Variants in SAMD12 observed in about 807,000 individuals in gnomAD.
The protein encoded by SAMD12 is sterile alpha motif domain-containing protein 12.
SAMD12 carries 9 observed loss-of-function variants against 15.0 expected under a neutral mutation model. The observed-to-expected ratio is 0.60, with a 90% CI of 0.36 to 1.05. SAMD12 has a LOEUF of 1.05. Among genes scored for constraint, SAMD12 ranks in the 50% least tolerant of loss-of-function variants. The pLI is 0.01. For missense variants in SAMD12, 230 were observed against 234.2 expected (o/e 0.98, Z 0.12); for synonymous variants, 86 against 90.1 (o/e 0.96, Z 0.25).
At chr8:118,552,366 G>T (rs1449113176) in intron 2 of SAMD12, among the ~76,000 whole-genome samples, 4 of 152,154 alleles carry the variant, frequency 2.6e-5, no homozygotes, top group South Asian at 2.1e-4. Context: ...TGCAAGGCTG[G>T]TTCAATATAT....
At chr8:118,554,971 C>T (rs560354384) in intron 2 of SAMD12, among the ~76,000 whole-genome samples, 2 of 152,288 alleles carry the variant, frequency 1.3e-5, no homozygotes, top group South Asian at 4.1e-4. Flanking sequence ...CTCTGTTTCT[C>T]TGGAGAACCC....
At chr8:118,440,048 T>A in intron 2 of SAMD12, 87 bp from the exon 3 acceptor site, 1 of 1,318,046 alleles carries the variant, frequency 7.6e-7, no homozygotes, top group Non-Finnish European at 1.1e-6. Context: ...TGTTAAAGGC[T>A]ACAGACTGGA....
chr8:118,354,220 A>G (rs1818109157), intron 4 of SAMD12, among the ~76,000 whole-genome samples: 1 of 152,270 alleles, frequency 6.6e-6, no homozygotes, highest in Non-Finnish European at 1.5e-5. Flanking sequence ...TATAAAAGGC[A>G]TAAAAAAGTT....
At chr8:118,303,895 A>G (rs1316291434) in intron 4 of SAMD12, among the ~76,000 whole-genome samples, 2 of 152,186 alleles carry the variant, frequency 1.3e-5, no homozygotes, top group African/African-American at 4.8e-5. Context: ...CAAGCAGGCA[A>G]TGACCTTCTG....
chr8:118,543,634 T>TC (rs1003509670), intron 2 of SAMD12, among the ~76,000 whole-genome samples: 2 of 137,198 alleles, frequency 1.5e-5, no homozygotes, highest in Middle Eastern at 3.7e-3. Flanking sequence ...TTTCTTTCTT[T>TC]TTTTTTTTTT....
the SAMD12 span, among the ~76,000 whole-genome samples, chr8:118,170,064 T>A: frequency 1.8e-4 from 27 of 152,282 alleles, no homozygotes; most frequent in Admixed American, 2.6e-4. Context: ...TTAGGCAATA[T>A]CTATAAATTA....
chr8:118,165,173 G>C, the SAMD12 span, among the ~76,000 whole-genome samples: 1 of 152,098 alleles, frequency 6.6e-6, no homozygotes, highest in Non-Finnish European at 1.5e-5. Flanking sequence ...TGTGGCTTGT[G>C]CTTCTGACTG....
chr8:118,521,212 C>T (rs959197291), intron 2 of SAMD12, among the ~76,000 whole-genome samples: 1 of 152,154 alleles, frequency 6.6e-6, no homozygotes, highest in African/African-American at 2.4e-5. Context: ...TCTAAACATC[C>T]ATCATCCAGC....
the SAMD12 span, among the ~76,000 whole-genome samples, chr8:118,165,555 C>A: frequency 7.0e-6 from 1 of 143,020 alleles, no homozygotes; most frequent in Non-Finnish European, 1.5e-5. Flanking sequence ...TATGCCCGGC[C>A]CTCAAAATAT....
intron 4 of SAMD12, among the ~76,000 whole-genome samples, chr8:118,280,121 T>A (rs1212663188): frequency 6.6e-6 from 1 of 152,194 alleles, no homozygotes. Flanking sequence ...CTTTTAAGAT[T>A]TGTTCTACTG....
intron 2 of SAMD12, among the ~76,000 whole-genome samples, chr8:118,440,725 C>T (rs73708495): frequency 0.016 from 2,414 of 149,822 alleles, 65 homozygotes; most frequent in African/African-American, 0.057. Context: ...CATATAAAAA[C>T]GCAGGGAGTG....
At chr8:118,186,367 A>C (rs1245625265), downstream of SAMD12, among the ~76,000 whole-genome samples, 12 of 152,230 alleles carry the variant, frequency 7.9e-5, no homozygotes, top group Admixed American at 7.9e-4. Context: ...CAGGAAAAAT[A>C]TCATTCATTT....
chr8:118,264,150 A>T (rs1813146641), intron 4 of SAMD12, among the ~76,000 whole-genome samples: 1 of 152,116 alleles, frequency 6.6e-6, no homozygotes, highest in Admixed American at 6.6e-5. Context: ...AGATAAGGCA[A>T]ATAGTTCCTG....
chr8:118,347,998 TGTCTCA>T (rs1444644814), intron 4 of SAMD12, among the ~76,000 whole-genome samples: 1 of 152,226 alleles, frequency 6.6e-6, no homozygotes, highest in African/African-American at 2.4e-5. Context: ...AACCTTAGTG[TGTCTCA>T]GTTTCCTTAC....
the SAMD12 span, among the ~76,000 whole-genome samples, chr8:118,166,712 G>A: frequency 6.6e-6 from 1 of 152,218 alleles, no homozygotes; most frequent in Non-Finnish European, 1.5e-5. Context: ...TTGATTTGGT[G>A]TTTAAAAAGT....
At chr8:118,430,986 T>A (rs10101386) in intron 3 of SAMD12, among the ~76,000 whole-genome samples, 5 of 151,898 alleles carry the variant, frequency 3.3e-5, no homozygotes, top group Non-Finnish European at 7.4e-5. Flanking sequence ...TTTTCTGATT[T>A]TAACTGAGTA....
chr8:118,599,585 C>T (rs1416671996), intron 1 of SAMD12, among the ~76,000 whole-genome samples: 1 of 152,164 alleles, frequency 6.6e-6, no homozygotes, highest in African/African-American at 2.4e-5. Context: ...TCCAATCACC[C>T]CACTTTCACA....
At chr8:118,206,312 A>C (rs1819861927) in intron 4 of SAMD12, among the ~76,000 whole-genome samples, 1 of 152,252 alleles carries the variant, frequency 6.6e-6, no homozygotes, top group African/African-American at 2.4e-5. Context: ...CTTCAGACAG[A>C]GAAAAGTGGT....
chr8:118,510,378 G>A (rs568577455), intron 2 of SAMD12, among the ~76,000 whole-genome samples: 97 of 152,214 alleles, frequency 6.4e-4, no homozygotes, highest in African/African-American at 2.1e-3. Flanking sequence ...AAACAAGGAG[G>A]TATTTCATTT....
Sources: allele counts gnomAD v4.1 joint callset (sites outside exome capture counted in the v4.1 genomes callset), GRCh38; gene constraint gnomAD v4.1.1; transcripts MANE v1.5; gene names NCBI Gene and HGNC (gene_info 2026-07-23, HGNC 2026-07-21).